The following RALGAPA2 variants were observed in gnomAD, a reference collection of about 807,000 sequenced individuals.
RALGAPA2 encodes the protein Ral GTPase activating protein catalytic subunit alpha 2.
RALGAPA2 carries 139 observed loss-of-function variants against 230.4 expected under a neutral mutation model. The ratio of observed to expected loss-of-function variants is 0.60; its 90% CI spans 0.53 to 0.69. The LOEUF is 0.69. Among genes scored for constraint, RALGAPA2 ranks in the 30% least tolerant of loss-of-function variants. RALGAPA2 has a pLI of 0.00. For synonymous variants in RALGAPA2, 847 were observed against 837.8 expected (o/e 1.01, Z -0.19); for missense variants, 2,163 against 2,276.0 (o/e 0.95, Z 1.01).
At chr20:20,450,145 A>G (rs919965995) in intron 37 of RALGAPA2, among the ~76,000 whole-genome samples, 14 of 152,234 alleles carry the variant, frequency 9.2e-5, no homozygotes, top group African/African-American at 3.4e-4. Flanking sequence ...CTTGCTAGCA[A>G]AAAGACAGAA....
chr20:20,567,959 T>C (rs1327935305), intron 23 of RALGAPA2, among the ~76,000 whole-genome samples: 2 of 151,032 alleles, frequency 1.3e-5, no homozygotes, highest in Admixed American at 6.6e-5. Context: ...CAGAGAAGAT[T>C]CAATAGTACA....
At chr20:20,611,020 C>A (rs1057264531) in intron 14 of RALGAPA2, among the ~76,000 whole-genome samples, 1 of 152,158 alleles carries the variant, frequency 6.6e-6, no homozygotes, top group Non-Finnish European at 1.5e-5. Context: ...TACTTTCGTT[C>A]ATCCTTTACC....
intron 1 of RALGAPA2, among the ~76,000 whole-genome samples, chr20:20,701,925 AGCTACTCGGGAG>A (rs1417120580): frequency 6.6e-6 from 1 of 151,340 alleles, no homozygotes; most frequent in East Asian, 1.9e-4. Flanking sequence ...TTGTAATCCT[AGCTACTCGGGAG>A]GCTGAGGCAG....
At chr20:20,531,967 T>G (rs1295536049) in intron 26 of RALGAPA2, among the ~76,000 whole-genome samples, 172 bp from the exon 27 acceptor site, 2 of 152,218 alleles carry the variant, frequency 1.3e-5, no homozygotes, top group African/African-American at 2.4e-5. Flanking sequence ...AATAGGCCAA[T>G]TTTCAGGACA....
intron 9 of RALGAPA2, among the ~76,000 whole-genome samples, chr20:20,630,933 AT>A (rs1354294293): frequency 6.6e-6 from 1 of 152,310 alleles, no homozygotes; most frequent in Admixed American, 6.5e-5. Context: ...GAAAAAAAAA[AT>A]ATGCACATAG....
intron 37 of RALGAPA2, among the ~76,000 whole-genome samples, chr20:20,425,625 C>T (rs1019053954): frequency 6.6e-6 from 1 of 152,174 alleles, no homozygotes; most frequent in Non-Finnish European, 1.5e-5. Flanking sequence ...AGGAAAGAAG[C>T]TGATGTGAAG....
At position 20,583,224 on chromosome 20, in the gene RALGAPA2, C is replaced by T. The variant is rs2065039464; in HGVS notation, c.2533G>A (p.Glu845Lys). ...AGAGTTGTGTCACTGTTGGTACTTT[C>T]ACCTGGTACAATGGAAGAACCAAAG... ...QGKCRERQKS[E>K]STNSDTTLGC... The change falls in exon 20 of 40, where the codon GAA (glutamate) becomes AAA (lysine). Residue 845 changes from glutamate (E) to lysine (K), a missense_variant and splice_region_variant. Coordinates refer to ENST00000202677, the MANE Select transcript of RALGAPA2 (RefSeq NM_020343.4). 5 of 1,593,050 alleles carry T rather than the reference C, an allele frequency of 3.1e-6. No individual in the cohort carries two copies. The highest frequency in any genetic ancestry group is 4.3e-6 in the Non-Finnish European group (5 of 1,170,136).
intron 3 of RALGAPA2, among the ~76,000 whole-genome samples, chr20:20,656,881 C>A (rs923068347): frequency 2.0e-5 from 3 of 152,110 alleles, no homozygotes; most frequent in African/African-American, 2.4e-5. Context: ...AGGAGTTAGG[C>A]TGCCAGGCCA....
intron 3 of RALGAPA2, among the ~76,000 whole-genome samples, chr20:20,655,293 TAAAGA>T (rs1227356646): frequency 4.0e-5 from 6 of 150,318 alleles, no homozygotes; most frequent in Non-Finnish European, 7.4e-5. Context: ...AGAGAGATGA[TAAAGA>T]AAAGAATATC....
intron 38 of RALGAPA2, among the ~76,000 whole-genome samples, chr20:20,402,841 CAT>C (rs2059874770): frequency 6.6e-6 from 1 of 152,148 alleles, no homozygotes. Flanking sequence ...GTGTGCTGCC[CAT>C]CTCACCAGAG....
intron 36 of RALGAPA2, among the ~76,000 whole-genome samples, chr20:20,480,204 C>G (rs558469814): frequency 6.6e-6 from 1 of 152,238 alleles, no homozygotes; most frequent in East Asian, 1.9e-4. Flanking sequence ...CTAGCTGATT[C>G]TAAGACATTT....
intron 39 of RALGAPA2, 150 bp downstream of exon 39, chr20:20,396,545 G>A: frequency 1.5e-6 from 1 of 657,286 alleles, no homozygotes; most frequent in Non-Finnish European, 2.5e-6. Flanking sequence ...GCAGGGGCAG[G>A]AGTGTGGGCA....
chr20:20,644,120 A>G (rs1257302529), intron 4 of RALGAPA2, among the ~76,000 whole-genome samples: 2 of 152,146 alleles, frequency 1.3e-5, no homozygotes, highest in African/African-American at 2.4e-5. Flanking sequence ...AGGATAGAAC[A>G]CTATTACTAA....
At chr20:20,440,542 G>A (rs1326396166) in intron 37 of RALGAPA2, among the ~76,000 whole-genome samples, 3 of 152,202 alleles carry the variant, frequency 2.0e-5, no homozygotes, top group Non-Finnish European at 4.4e-5. Flanking sequence ...GACAGCATCG[G>A]AGCTTTGTCA....
At chr20:20,633,947 GGA>G (rs2066770864) in intron 9 of RALGAPA2, among the ~76,000 whole-genome samples, 1 of 152,168 alleles carries the variant, frequency 6.6e-6, no homozygotes, top group African/African-American at 2.4e-5. Context: ...TGTGTATGAA[GGA>G]GAGAGAGAAA....
intron 1 of RALGAPA2, among the ~76,000 whole-genome samples, chr20:20,689,081 T>C (rs2068805506): frequency 6.6e-6 from 1 of 152,238 alleles, no homozygotes; most frequent in Non-Finnish European, 1.5e-5. Flanking sequence ...ATACCATCTA[T>C]TATATAAAAG....
intron 38 of RALGAPA2, among the ~76,000 whole-genome samples, chr20:20,409,109 C>T (rs995762570): frequency 2.0e-5 from 3 of 152,190 alleles, no homozygotes; most frequent in African/African-American, 7.2e-5. Context: ...CCTGGCCAAC[C>T]CACCCCCGCA....
intron 38 of RALGAPA2, among the ~76,000 whole-genome samples, chr20:20,400,378 G>A (rs529222016): frequency 1.1e-3 from 173 of 152,316 alleles, no homozygotes; most frequent in African/African-American, 4.1e-3. Flanking sequence ...TGGACAGGAA[G>A]GGAGGGAGGA....
chr20:20,612,186 C>T (rs2065995429), intron 13 of RALGAPA2, among the ~76,000 whole-genome samples: 1 of 152,212 alleles, frequency 6.6e-6, no homozygotes, highest in Non-Finnish European at 1.5e-5. Flanking sequence ...TTCTTTCTTA[C>T]ACCTAAGTTA....
Sources: gnomAD v4.1 joint callset for allele counts (sites outside exome capture counted in the v4.1 genomes callset) on GRCh38, gnomAD v4.1.1 for gene constraint, MANE v1.5 for transcripts, NCBI Gene and HGNC (gene_info 2026-07-23, HGNC 2026-07-21) for gene names.